PARD3B: variants seen among roughly 807,000 people sequenced by gnomAD.
PARD3B encodes par-3 family cell polarity regulator beta.
Under a neutral mutation model 130.2 loss-of-function variants are expected in PARD3B, and 103 were observed. That is an observed-to-expected ratio of 0.79 (90% CI 0.67 to 0.93). The LOEUF (loss-of-function observed/expected upper bound fraction) is 0.93, where lower values mean the gene tolerates loss of function less well. Ranked by LOEUF, PARD3B falls within the 40% of genes least tolerant of loss-of-function variation. The probability of loss-of-function intolerance (pLI) is 0.00; values close to 1 mark genes in which losing one functional copy is unlikely to be tolerated. For missense variants in PARD3B, 1,609 were observed against 1,499.2 expected (o/e 1.07, Z -1.21); for synonymous variants, 583 against 553.2 (o/e 1.05, Z -0.76).
At chr2:205,204,441 C>G (rs1215339886) in intron 15 of PARD3B, among the ~76,000 whole-genome samples, 3 of 151,902 alleles carry the variant, frequency 2.0e-5, no homozygotes, top group Non-Finnish European at 2.9e-5. Context: ...TGTGCAGAAG[C>G]TCTTTAATTT....
In PARD3B at chr2:204,887,656, A is replaced by G. The variant is rs2046309091; in HGVS notation, c.223-77496A>G. ...GATTTAACAGTATTAACAGAGCACT[A>G]TTCTATATGCAGCGCCATTTCATAC... is the stretch of plus-strand genomic sequence containing the variant. On this transcript the variant is annotated intron_variant, in intron 2 of 22. Transcript: ENST00000406610. The surrounding 1 kb of genome is among the most constrained non-coding windows in gnomAD (Gnocchi z 4.2). Among the ~76,000 whole-genome samples, 1 of 152,150 alleles carries G rather than the reference A, an allele frequency of 6.6e-6. No homozygotes were observed. Among genetic ancestry groups the G allele is most frequent in the South Asian group, 2.1e-4 (1 of 4,830 alleles).
Position 205,185,820 on chromosome 2 carries a change from C to T in PARD3B, c.1981C>T (p.Pro661Ser), listed in dbSNP as rs777201741. Residue 661 changes from proline (P) to serine (S), a missense_variant, in exon 14 of 23, where the codon CCA becomes TCA. By Grantham distance (74) the Pro-to-Ser change is moderately conservative. Coordinates refer to ENST00000406610, the MANE Select transcript of PARD3B (RefSeq NM_001302769.2). ...GAGTGAAGTTCCACCTTCTCCAACA[C>T]CACATTCTGCTCTGGGATTGGGCCT... ...AESEVPPSPT[P>S]HSALGLGLED... is the part of the protein sequence containing the mutation. The T allele has an allele frequency of 6.2e-7, 1 of 1,614,072 alleles. No homozygotes were observed. Among genetic ancestry groups the T allele is most frequent in the South Asian group, 1.1e-5 (1 of 91,080 alleles).
intron 2 of PARD3B, among the ~76,000 whole-genome samples, chr2:204,952,773 C>T (rs978554899): frequency 9.9e-5 from 15 of 151,824 alleles, no homozygotes; most frequent in Admixed American, 3.3e-4. Flanking sequence ...CCGAGGCAGG[C>T]GGATCATGAG....
intron 19 of PARD3B, among the ~76,000 whole-genome samples, chr2:205,427,741 C>T (rs939129270): frequency 6.6e-6 from 1 of 151,956 alleles, no homozygotes; most frequent in Non-Finnish European, 1.5e-5. Flanking sequence ...AAAAAACAAT[C>T]CCTAAAAACT....
intron 2 of PARD3B, among the ~76,000 whole-genome samples, chr2:204,917,355 G>A (rs1402078850): frequency 1.3e-5 from 2 of 152,222 alleles, no homozygotes; most frequent in Non-Finnish European, 2.9e-5. Context: ...AGAAACGTTA[G>A]ATGTAATTGA....
intron 2 of PARD3B, among the ~76,000 whole-genome samples, chr2:204,732,373 T>G (rs11887599): frequency 0.022 from 3,405 of 152,304 alleles, 47 homozygotes; most frequent in Middle Eastern, 0.071. Context: ...AGCTATGGTT[T>G]TCTCTGGACA....
At chr2:205,117,145 G>C (rs962519559) in intron 6 of PARD3B, among the ~76,000 whole-genome samples, 2 of 152,152 alleles carry the variant, frequency 1.3e-5, no homozygotes, top group Non-Finnish European at 2.9e-5. Flanking sequence ...AATCCAAAAT[G>C]TGAACTCTTA....
At chr2:204,618,777 A>G (rs940874628) in intron 1 of PARD3B, among the ~76,000 whole-genome samples, 1 of 151,878 alleles carries the variant, frequency 6.6e-6, no homozygotes, top group Non-Finnish European at 1.5e-5. Flanking sequence ...GTAGGACTGA[A>G]CCCCTCTAGT....
chr2:204,676,601 G>C (rs1232036435), intron 1 of PARD3B, among the ~76,000 whole-genome samples: 1 of 150,412 alleles, frequency 6.6e-6, no homozygotes, highest in Non-Finnish European at 1.5e-5. Flanking sequence ...TCTAGCCTTT[G>C]CTTCACTCTT....
chr2:204,935,146 CTTTT>C lies in PARD3B; in HGVS notation c.223-29992_223-29989del, dbSNP rs71032422. Among the ~76,000 whole-genome samples, 485 of 138,640 alleles carry C rather than the reference CTTTT, an allele frequency of 3.5e-3. 7 individuals are homozygous for C. The highest frequency in any genetic ancestry group is 3.7e-3 in the Middle Eastern group (1 of 270). The allele number at this position is 138,640 out of a possible 152,430, so 91.0% of individuals were successfully genotyped here. A position where few individuals can be genotyped will look rare whatever the true frequency, so the allele number is the denominator to read the frequency against. On this transcript the variant is annotated intron_variant, in intron 2 of 22. Transcript: ENST00000406610. ...CTATTTTTCATTCTTGTTTTCCCTA[CTTTT>C]TTTTTTTTTTTTTACATTTCTCTAT...
intron 19 of PARD3B, among the ~76,000 whole-genome samples, chr2:205,439,050 A>G (rs1383740980): frequency 6.6e-6 from 1 of 152,190 alleles, no homozygotes; most frequent in Admixed American, 6.5e-5. Flanking sequence ...TGTTCTGCCA[A>G]AAGAGAAAAA....
chr2:204,811,344 C>A (rs1240850821), intron 2 of PARD3B, among the ~76,000 whole-genome samples: 6 of 151,956 alleles, frequency 3.9e-5, no homozygotes, highest in Non-Finnish European at 4.4e-5. Context: ...TATAAACTGC[C>A]CATTTTATTT....
Position 205,071,731 on chromosome 2 carries a change from G to T in PARD3B, c.504+24041G>T, listed in dbSNP as rs56320876. 6.4e-3 allele frequency among the ~76,000 whole-genome samples: 980 copies of T among 152,242 alleles called. 6 individuals are homozygous for T. The highest frequency in any genetic ancestry group is 0.01 in the Non-Finnish European group (709 of 68,020). On this transcript the variant is annotated intron_variant, in intron 4 of 22. Coordinates refer to ENST00000406610, the MANE Select transcript of PARD3B (RefSeq NM_001302769.2). ...TTTGTAGTGTATCACGTATGTGTGTGTGTATACAGAGATACACACATAGTA... is the reference window on the plus strand; with the variant it reads ...TTTGTAGTGTATCACGTATGTGTGTTTGTATACAGAGATACACACATAGTA...
At chr2:204,781,327 T>C (rs575331813) in intron 2 of PARD3B, among the ~76,000 whole-genome samples, 1 of 152,108 alleles carries the variant, frequency 6.6e-6, no homozygotes, top group East Asian at 1.9e-4. Flanking sequence ...TATCATAATA[T>C]TGGCACAAAA....
At position 204,743,969 on chromosome 2, in the gene PARD3B, A is replaced by G. The variant is rs114215297; in HGVS notation, c.222+57687A>G. ...TTGGAGTAGGAAAACCTGATTTCAG[A>G]GTCTAACAAAACCCAAAGGTAGGCA... On this transcript the variant is annotated intron_variant, in intron 2 of 22. Transcript: ENST00000406610. Among the ~76,000 whole-genome samples, 1,020 of 152,280 alleles carry G rather than the reference A, an allele frequency of 6.7e-3. 12 individuals carry two copies. Among genetic ancestry groups the G allele is most frequent in the African/African-American group, 0.024 (980 of 41,556 alleles).
chr2:204,979,304 G>A (rs1470300863), intron 3 of PARD3B, among the ~76,000 whole-genome samples: 1 of 152,136 alleles, frequency 6.6e-6, no homozygotes. Flanking sequence ...TAGAGTAAAG[G>A]CTGGGATGAA....
At chr2:204,802,674 A>T (rs1388732523) in intron 2 of PARD3B, among the ~76,000 whole-genome samples, 1 of 152,186 alleles carries the variant, frequency 6.6e-6, no homozygotes, top group Non-Finnish European at 1.5e-5. Flanking sequence ...AAAAAGGATG[A>T]GTTCATGTCC....
intron 2 of PARD3B, among the ~76,000 whole-genome samples, chr2:204,947,301 CAG>C (rs1689404609): frequency 6.6e-6 from 1 of 152,118 alleles, no homozygotes; most frequent in African/African-American, 2.4e-5. Context: ...TTGAGAATTT[CAG>C]AGTCTAGTCT....
intron 4 of PARD3B, among the ~76,000 whole-genome samples, chr2:205,061,371 C>T (rs1015486621): frequency 7.2e-5 from 11 of 152,062 alleles, no homozygotes; most frequent in Admixed American, 6.6e-5. Context: ...CTAGCTTGAC[C>T]ACTGACTGAT....
Sources: gnomAD v4.1 joint callset for allele counts (sites outside exome capture counted in the v4.1 genomes callset) on GRCh38, gnomAD v4.1.1 for gene constraint, Gnocchi (gnomAD v3.1) non-coding constraint, MANE v1.5 for transcripts, NCBI Gene and HGNC (gene_info 2026-07-23, HGNC 2026-07-21) for gene names.